RAPGEF1: variants seen among roughly 807,000 people sequenced by gnomAD.
The protein encoded by RAPGEF1 is Rap guanine nucleotide exchange factor 1.
In RAPGEF1, 33 loss-of-function variants were observed where a neutral mutation model predicts 143.3. The ratio of observed to expected loss-of-function variants is 0.23; its 90% CI spans 0.17 to 0.31. The LOEUF (loss-of-function observed/expected upper bound fraction) is 0.31. RAPGEF1 is among the 10% of genes least tolerant of loss of function. The probability of loss-of-function intolerance (pLI) is 1.00; values close to 1 mark genes in which losing one functional copy is unlikely to be tolerated. For synonymous variants in RAPGEF1, 629 were observed against 676.5 expected (o/e 0.93, Z 1.09); for missense variants, 1,199 against 1,645.4 (o/e 0.73, Z 4.69).
intron 1 of RAPGEF1, among the ~76,000 whole-genome samples, chr9:131,690,546 C>G (rs745606514): frequency 6.6e-6 from 1 of 151,980 alleles, no homozygotes; most frequent in Non-Finnish European, 1.5e-5. Context: ...GTCTGTAACC[C>G]CAGCACTTTG....
intron 1 of RAPGEF1, among the ~76,000 whole-genome samples, chr9:131,677,775 G>A (rs943721756): frequency 6.6e-6 from 1 of 152,230 alleles, no homozygotes; most frequent in Non-Finnish European, 1.5e-5. Context: ...GACCAGGGAA[G>A]GCAAATGAAA....
intron 12 of RAPGEF1, among the ~76,000 whole-genome samples, chr9:131,617,666 A>C (rs1337395804): frequency 2.6e-5 from 4 of 152,254 alleles, no homozygotes; most frequent in African/African-American, 9.6e-5. Context: ...GAGCAAGAAC[A>C]GTAATAAGCT....
intron 5 of RAPGEF1, among the ~76,000 whole-genome samples, chr9:131,636,241 A>G (rs1239603044): frequency 1.3e-5 from 2 of 152,160 alleles, no homozygotes; most frequent in African/African-American, 4.8e-5. Context: ...CATATTTCCT[A>G]TTATCTCTCA....
At chr9:131,604,621 C>T (rs763337419) in intron 13 of RAPGEF1, among the ~76,000 whole-genome samples, 23 of 152,312 alleles carry the variant, frequency 1.5e-4, no homozygotes, top group Non-Finnish European at 2.2e-4. Flanking sequence ...GTATCTTATG[C>T]GTCTGATAAG....
At chr9:131,732,617 C>T (rs1382462830) in intron 1 of RAPGEF1, among the ~76,000 whole-genome samples, 1 of 152,168 alleles carries the variant, frequency 6.6e-6, no homozygotes, top group African/African-American at 2.4e-5. Flanking sequence ...TACAGGAAAA[C>T]ACAGAACCCC....
At position 131,582,592 on chromosome 9, in the gene RAPGEF1, G is replaced by A. The variant is rs1021808808; in HGVS notation, c.3512+13C>T. Reference sequence around the variant, plus strand: ...CCAGGCGGGGCTGGGGGCCTGGAGGGGCTGCTACTCACAGGTACGGGATGC... The same window carrying A: ...CCAGGCGGGGCTGGGGGCCTGGAGGAGCTGCTACTCACAGGTACGGGATGC... On this transcript the variant is annotated intron_variant, in intron 25 of 26. Coordinates refer to ENST00000683357, the MANE Select transcript of RAPGEF1 (RefSeq NM_001377935.1). The A allele has an allele frequency of 2.7e-6, 4 of 1,498,884 alleles. No homozygotes were observed. The highest frequency in any genetic ancestry group is 3.5e-6 in the Non-Finnish European group (4 of 1,130,426). The allele number at this position is 1,498,884 out of a possible 1,614,324, so 92.8% of individuals were successfully genotyped here. A position where few individuals can be genotyped will look rare whatever the true frequency, so the allele number is the denominator to read the frequency against.
At position 131,628,463 on chromosome 9, in the gene RAPGEF1, T is replaced by G; in HGVS notation, c.1017+86A>C. The stretch of plus-strand genomic sequence containing the variant: ...GACAAACACCAGCGCCTGAAGACCA[T>G]GGGTTTCTTTCAGCTTCAGGAGCCA... On this transcript the variant is annotated intron_variant, in intron 8 of 26. Coordinates refer to ENST00000683357, the MANE Select transcript of RAPGEF1 (RefSeq NM_001377935.1). The surrounding 1 kb of genome is among the most constrained non-coding windows in gnomAD (Gnocchi z 5.7). 1 of 1,530,456 alleles carries G rather than the reference T, an allele frequency of 6.5e-7. No individual in the cohort carries two copies. Among genetic ancestry groups the G allele is most frequent in the Non-Finnish European group, 8.9e-7 (1 of 1,125,774 alleles). The allele number at this position is 1,530,456 out of a possible 1,614,324, so 94.8% of individuals were successfully genotyped here.
Position 131,584,531 on chromosome 9 carries a change from A to C in RAPGEF1, c.3299T>G (p.Ile1100Ser). Residue 1100 changes from isoleucine to serine, a missense_variant, in exon 23 of 27, where the codon ATC (isoleucine) becomes AGC (serine). Coordinates refer to ENST00000683357, the MANE Select transcript of RAPGEF1 (RefSeq NM_001377935.1). This position sits in a 1 kb window ranked among gnomAD's most constrained non-coding sequence, Gnocchi z 6.8. The stretch of plus-strand genomic sequence containing the variant: ...GGCCACCATTACCTTCATGATCTTG[A>C]TGAACTTCAAGAGCAGCCGTTCCCT... ...QDRERLLLKFIKIMKHLRKLN... is the reference protein window; with the variant it reads ...QDRERLLLKFSKIMKHLRKLN... 1 of 1,614,004 alleles carries C rather than the reference A, an allele frequency of 6.2e-7. No homozygotes were observed. The highest frequency in any genetic ancestry group is 8.5e-7 in the Non-Finnish European group (1 of 1,179,880).
At chr9:131,612,058 G>A (rs568641356) in intron 12 of RAPGEF1, among the ~76,000 whole-genome samples, 4 of 152,292 alleles carry the variant, frequency 2.6e-5, no homozygotes, top group African/African-American at 9.6e-5. Flanking sequence ...CCCTCGATAG[G>A]GAAACAGTAG....
intron 3 of RAPGEF1, among the ~76,000 whole-genome samples, chr9:131,645,165 A>G (rs1479978971): frequency 6.6e-6 from 1 of 152,140 alleles, no homozygotes; most frequent in Non-Finnish European, 1.5e-5. Context: ...GCTTCATGTC[A>G]TCTGCCCGGG....
chr9:131,629,766 G>A (rs1309290093), intron 6 of RAPGEF1, among the ~76,000 whole-genome samples: 1 of 151,812 alleles, frequency 6.6e-6, no homozygotes, highest in East Asian at 1.9e-4. Flanking sequence ...ACTCCAGCCT[G>A]AGCCACAGAG....
chr9:131,589,735 C>T, intron 19 of RAPGEF1, 151 bp downstream of exon 19: 1 of 688,872 alleles, frequency 1.5e-6, no homozygotes, highest in Non-Finnish European at 2.5e-6. Flanking sequence ...CCATCTCACC[C>T]TGGTCTATCG....
In RAPGEF1 at chr9:131,641,082, C is replaced by T. The variant is rs1418104916; in HGVS notation, c.494+2157G>A. 6.6e-6 allele frequency among the ~76,000 whole-genome samples: 1 copy of T among 152,024 alleles called. No individual in the cohort carries two copies. The highest frequency in any genetic ancestry group is 2.4e-5 in the African/African-American group (1 of 41,368). On this transcript the variant is annotated intron_variant, in intron 4 of 26. Coordinates refer to ENST00000683357, the MANE Select transcript of RAPGEF1 (RefSeq NM_001377935.1). The surrounding 1 kb of genome is among the most constrained non-coding windows in gnomAD (Gnocchi z 4.6). ...CCACCCCTCAATAGACAAAAAATAC[C>T]CCCAGCCATTACCATGTGACTTCAT...
At chr9:131,682,375 A>G (rs1832986434) in intron 1 of RAPGEF1, among the ~76,000 whole-genome samples, 2 of 152,194 alleles carry the variant, frequency 1.3e-5, no homozygotes, top group East Asian at 3.9e-4. Flanking sequence ...AGCTCAGGCC[A>G]TTCCATCACC....
At chr9:131,685,771 G>A (rs972405151) in intron 1 of RAPGEF1, among the ~76,000 whole-genome samples, 6 of 152,100 alleles carry the variant, frequency 3.9e-5, no homozygotes, top group Non-Finnish European at 5.9e-5. Flanking sequence ...TTCCTCTAGC[G>A]CCGCTGGGTT....
chr9:131,724,186 T>C (rs1836470655), intron 1 of RAPGEF1, among the ~76,000 whole-genome samples: 1 of 152,156 alleles, frequency 6.6e-6, no homozygotes, highest in African/African-American at 2.4e-5. Flanking sequence ...ACTGTGTGAG[T>C]GTCCGGCTGA....
At chr9:131,715,863 C>CAAA (rs145340457) in intron 1 of RAPGEF1, among the ~76,000 whole-genome samples, 2,721 of 72,256 alleles carry the variant, frequency 0.038, 92 homozygotes, top group South Asian at 0.088. Flanking sequence ...GACTCCCTCT[C>CAAA]AAAAAAAAAA....
At chr9:131,682,774 A>G (rs1251227882) in intron 1 of RAPGEF1, among the ~76,000 whole-genome samples, 2 of 152,180 alleles carry the variant, frequency 1.3e-5, no homozygotes, top group African/African-American at 2.4e-5. Flanking sequence ...TAAACATCCT[A>G]CCTGTGAAAT....
intron 1 of RAPGEF1, among the ~76,000 whole-genome samples, chr9:131,715,829 C>T (rs1210800543): frequency 6.9e-6 from 1 of 145,256 alleles, no homozygotes; most frequent in African/African-American, 2.6e-5. Flanking sequence ...TGCACCACTG[C>T]ACTCCAGCCT....
Sources: gnomAD v4.1 joint callset for allele counts (sites outside exome capture counted in the v4.1 genomes callset) on GRCh38, gnomAD v4.1.1 for gene constraint, Gnocchi (gnomAD v3.1) non-coding constraint, MANE v1.5 for transcripts, NCBI Gene and HGNC (gene_info 2026-07-23, HGNC 2026-07-21) for gene names.